Variants in ACACB observed in about 807,000 individuals in gnomAD.
ACACB encodes the protein acetyl-CoA carboxylase 2.
ACACB carries 209 observed loss-of-function variants against 278.8 expected under a neutral mutation model. The ratio of observed to expected loss-of-function variants is 0.75; its 90% CI spans 0.67 to 0.84. The LOEUF (loss-of-function observed/expected upper bound fraction) is 0.84. ACACB is among the 40% of genes least tolerant of loss of function. The pLI is 0.00. For synonymous variants in ACACB, 1,174 were observed against 1,285.6 expected, an observed-to-expected ratio of 0.91 and a Z score of 1.86; for missense variants, 2,850 against 3,269.0, an observed-to-expected ratio of 0.87 and a Z score of 3.13.
In ACACB at chr12:109,178,541, G is replaced by A. The variant is rs1316934760; in HGVS notation, c.1438-547G>A. Among the ~76,000 whole-genome samples, 5 of 152,194 alleles carry A rather than the reference G, an allele frequency of 3.3e-5. No individual in the cohort carries two copies. In the East Asian group the frequency reaches 9.6e-4, roughly 29 times the overall value. On this transcript the variant is annotated intron_variant, in intron 9 of 52. Coordinates refer to ENST00000338432, the MANE Select transcript of ACACB (RefSeq NM_001093.4). ...CAATATCTTTAGGGGATGTGACTGTGGGAGATTTTACCATTTCACAGAGTT... is the reference window on the plus strand; with the variant it reads ...CAATATCTTTAGGGGATGTGACTGTAGGAGATTTTACCATTTCACAGAGTT...
At chr12:109,174,077 C>T (rs556046901) in intron 6 of ACACB, 55 bp from the exon 7 acceptor site, 6 of 1,501,272 alleles carry the variant, frequency 4.0e-6, no homozygotes, top group Non-Finnish European at 4.5e-6. Context: ...CCTTCAGCCT[C>T]GAGGGTCTTG....
At chr12:109,114,876 C>G (rs1016372697), upstream of ACACB, among the ~76,000 whole-genome samples, 1 of 151,856 alleles carries the variant, frequency 6.6e-6, no homozygotes, top group Non-Finnish European at 1.5e-5. Flanking sequence ...CAAAACAAAA[C>G]AAAAAATGTA....
intron 28 of ACACB, among the ~76,000 whole-genome samples, chr12:109,228,013 G>A (rs1446518394): frequency 1.4e-5 from 2 of 143,156 alleles, no homozygotes; most frequent in Admixed American, 7.1e-5. Flanking sequence ...CAGCCTGGGC[G>A]AAGAAGCGAG....
Position 109,229,380 on chromosome 12 carries a change from A to G in ACACB, c.4001+1891A>G, listed in dbSNP as rs2046405948. On this transcript the variant is annotated intron_variant, in intron 28 of 52. Coordinates refer to ENST00000338432, the MANE Select transcript of ACACB (RefSeq NM_001093.4). ...GCACGTGGAGTGGGAATTTGAGCCC[A>G]GGCCACACTCTCACCTCCAAGTCCT... Among the ~76,000 whole-genome samples, 10 of 152,112 alleles carry G rather than the reference A, an allele frequency of 6.6e-5. No homozygotes were observed. The South Asian group carries it at 2.1e-3, about 32-fold the overall frequency.
chr12:109,180,451 A>T (rs1023051960), intron 11 of ACACB, among the ~76,000 whole-genome samples: 1 of 152,210 alleles, frequency 6.6e-6, no homozygotes, highest in Non-Finnish European at 1.5e-5. Flanking sequence ...TCATGAAAAG[A>T]GTGAGATTTT....
At position 109,233,856 on chromosome 12, in the gene ACACB, C is replaced by G; in HGVS notation, c.4239+9C>G. On this transcript the variant is annotated intron_variant, in intron 30 of 52. Coordinates refer to ENST00000338432, the MANE Select transcript of ACACB (RefSeq NM_001093.4). ...CCGAGGATGACTGCAAGGTAAGCGT[C>G]TAAGCCCAGGGAGCAACCTGGGGAG... 3.1e-6 allele frequency: 5 copies of G among 1,614,188 alleles called. No individual in the cohort carries two copies. Among genetic ancestry groups the G allele is most frequent in the Non-Finnish European group, 4.2e-6 (5 of 1,180,006 alleles).
intron 15 of ACACB, among the ~76,000 whole-genome samples, chr12:109,193,330 G>GC (rs1593517959): frequency 6.6e-6 from 1 of 150,756 alleles, no homozygotes; most frequent in African/African-American, 2.4e-5. Flanking sequence ...CAATTCTTGT[G>GC]CCTCAGCCTC....
intron 19 of ACACB, among the ~76,000 whole-genome samples, chr12:109,202,529 G>C (rs991705792): frequency 6.6e-6 from 1 of 152,072 alleles, no homozygotes; most frequent in Non-Finnish European, 1.5e-5. Context: ...TGGCCATGCT[G>C]GTCTTGAACT....
At chr12:109,225,737 C>T (rs2046295728) in intron 27 of ACACB, among the ~76,000 whole-genome samples, 1 of 152,242 alleles carries the variant, frequency 6.6e-6, no homozygotes, top group Non-Finnish European at 1.5e-5. Flanking sequence ...CAGCCACCAG[C>T]CACGTGTGGT....
At chr12:109,222,254 A>G (rs907363502) in intron 24 of ACACB, among the ~76,000 whole-genome samples, 1 of 149,800 alleles carries the variant, frequency 6.7e-6, no homozygotes, top group East Asian at 2.0e-4. Flanking sequence ...TGTTCTTACC[A>G]GGCATTTAGG....
chr12:109,235,496 G>A, intron 32 of ACACB, 110 bp from the exon 33 acceptor site: 1 of 1,416,596 alleles, frequency 7.1e-7, no homozygotes. Flanking sequence ...ATTTCCAAAT[G>A]ATTCATTCTA....
intron 2 of ACACB, among the ~76,000 whole-genome samples, chr12:109,164,171 A>C (rs1312819712): frequency 6.6e-6 from 1 of 152,240 alleles, no homozygotes; most frequent in Non-Finnish European, 1.5e-5. Flanking sequence ...TTGTTCTAGC[A>C]GCCTTGGAAG....
intron 47 of ACACB, 84 bp from the exon 48 acceptor site, chr12:109,260,396 C>A: frequency 6.5e-7 from 1 of 1,549,632 alleles, no homozygotes; most frequent in Non-Finnish European, 8.9e-7. Context: ...CTCACTCTCC[C>A]AGGACCCCCA....
intron 15 of ACACB, among the ~76,000 whole-genome samples, chr12:109,192,957 G>A (rs975609270): frequency 2.6e-5 from 4 of 152,190 alleles, no homozygotes; most frequent in African/African-American, 9.6e-5. Context: ...GAGCCACTGT[G>A]CCTGGTAAGA....
rs1333998714 is a variant in ACACB at position 109,206,778 on chromosome 12, G to T, written c.2982G>T (p.Gln994His). Residue 994 changes from glutamine (Q) to histidine (H), a missense_variant, in exon 20 of 53, where the codon CAG becomes CAT. Around this residue, in one of 3 missense-constraint regions of ACACB, gnomAD observed 2,265 missense variants for 2,561.3 expected, o/e 0.88. Transcript: ENST00000338432. ...TLPILGEKLH[Q>H]VFHSVLENLT... ...CCATCCTCGGAGAGAAACTGCACCA[G>T]GTCTTCCACAGCGTCCTGGAAAACC... The T allele has an allele frequency of 6.2e-7, 1 of 1,613,998 alleles. No individual in the cohort carries two copies. Among genetic ancestry groups the T allele is most frequent in the Non-Finnish European group, 8.5e-7 (1 of 1,180,030 alleles).
chr12:109,150,277 G>A (rs550765158), intron 2 of ACACB, among the ~76,000 whole-genome samples: 11 of 152,126 alleles, frequency 7.2e-5, no homozygotes, highest in Non-Finnish European at 1.5e-4. Context: ...AAGTGCTGGG[G>A]GTGGACGGCC....
intron 16 of ACACB, 69 bp downstream of exon 16, chr12:109,193,798 G>T: frequency 1.4e-6 from 2 of 1,388,934 alleles, no homozygotes; most frequent in South Asian, 1.2e-5. Flanking sequence ...TTTCTTCCAT[G>T]AACCATCCCT....
rs769005711 is a variant in ACACB at position 109,239,888 on chromosome 12, A to G, written c.4721A>G (p.Asp1574Gly). 1 of 1,614,166 alleles carries G rather than the reference A, an allele frequency of 6.2e-7. No individual in the cohort carries two copies. The highest frequency in any genetic ancestry group is 8.5e-7 in the Non-Finnish European group (1 of 1,180,024). The stretch of plus-strand genomic sequence containing the variant: ...GAGCGGCTGCTCCTGGAGGCCATGG[A>G]CGAGCTGGAGGTGGCGTTCAATAAC... ...EGERLLLEAM[D>G]ELEVAFNNTS... Residue 1574 changes from aspartate (D) to glycine (G), a missense_variant, in exon 35 of 53, where the codon GAC (aspartate) becomes GGC (glycine). By Grantham distance (94) the Asp-to-Gly change is moderately conservative. Around this residue, in one of 3 missense-constraint regions of ACACB, gnomAD observed 2,265 missense variants for 2,561.3 expected, o/e 0.88. Transcript: ENST00000338432.
chr12:109,136,238 G>C lies in ACACB; in HGVS notation c.-9-3159G>C, dbSNP rs1055587287. On this transcript the variant is annotated intron_variant, in intron 1 of 52. Transcript: ENST00000338432. ...CTTATGCCAAATACCATGCTGTTTT[G>C]TTTACCATAGCTTTGTAGTAAGTTT... Among the ~76,000 whole-genome samples, 4 of 152,170 alleles carry C rather than the reference G, an allele frequency of 2.6e-5. No homozygotes were observed. In the South Asian group the frequency reaches 8.3e-4, roughly 32 times the overall value.
Sources: allele counts gnomAD v4.1 joint callset (sites outside exome capture counted in the v4.1 genomes callset), GRCh38; gene constraint gnomAD v4.1.1; regional missense constraint gnomAD v4.1.1; transcripts MANE v1.5; gene names NCBI Gene and HGNC (gene_info 2026-07-23, HGNC 2026-07-21).